PBLD: variants seen among roughly 807,000 people sequenced by gnomAD.
PBLD encodes phenazine biosynthesis like protein domain containing, also known as phenazine biosynthesis-like domain-containing protein.
A neutral mutation model predicts 31.3 loss-of-function variants in PBLD; 26 were observed. The ratio of observed to expected loss-of-function variants is 0.83; its 90% CI spans 0.61 to 1.15. PBLD has a LOEUF of 1.15. Ranked by LOEUF, PBLD falls within the 50% of genes most tolerant of loss-of-function variation. The probability of loss-of-function intolerance (pLI) is 0.00; values close to 1 mark genes in which losing one functional copy is unlikely to be tolerated. For missense variants in PBLD, 307 were observed against 351.7 expected, an observed-to-expected ratio of 0.87 and a Z score of 1.02; for synonymous variants, 114 against 129.0, an observed-to-expected ratio of 0.88 and a Z score of 0.79.
rs533908257 is a variant in PBLD at position 68,312,059 on chromosome 10, A to G, written c.-59-5156T>C. On this transcript the variant is annotated intron_variant, in intron 1 of 9. Coordinates refer to ENST00000358769, the MANE Select transcript of PBLD (RefSeq NM_022129.4). ...ATTGTAAGTCAAAGTATCATAAGTC[A>G]GGGGCCATCTGTATACCACATTTTC... 1.1e-4 allele frequency among the ~76,000 whole-genome samples: 16 copies of G among 152,360 alleles called. No homozygotes were observed. The South Asian group carries it at 3.1e-3, about 30-fold the overall frequency.
intron 6 of PBLD, among the ~76,000 whole-genome samples, chr10:68,290,746 G>T (rs1197994187): frequency 1.3e-5 from 2 of 152,132 alleles, no homozygotes; most frequent in African/African-American, 4.8e-5. Context: ...ATTCTTGGCT[G>T]GGAATCTTAC....
chr10:68,293,193 A>C (rs1192942340), intron 4 of PBLD, among the ~76,000 whole-genome samples: 1 of 152,250 alleles, frequency 6.6e-6, no homozygotes, highest in Non-Finnish European at 1.5e-5. Context: ...TAAAATATCC[A>C]GCAGCAACAA....
At chr10:68,294,160 A>G (rs2044395259) in intron 4 of PBLD, among the ~76,000 whole-genome samples, 1 of 152,116 alleles carries the variant, frequency 6.6e-6, no homozygotes, top group South Asian at 2.1e-4. Context: ...TCTCAACTTT[A>G]TCTCCTGCCA....
intron 2 of PBLD, among the ~76,000 whole-genome samples, chr10:68,297,337 T>G (rs1203345928): frequency 6.6e-6 from 1 of 152,220 alleles, no homozygotes. Flanking sequence ...TTTGCTTTGC[T>G]GGTGAAAGCG....
chr10:68,305,751 G>A (rs572161951), intron 2 of PBLD, among the ~76,000 whole-genome samples: 22 of 152,004 alleles, frequency 1.4e-4, no homozygotes, highest in African/African-American at 4.3e-4. Context: ...GCGGAACTCC[G>A]TCTCAAAAAC....
rs184830326 is a variant in PBLD at position 68,313,982 on chromosome 10, T to G, written c.-59-7079A>C. Among the ~76,000 whole-genome samples the G allele has an allele frequency of 8.7e-4, 133 of 152,234 alleles. 1 individual carries two copies. The East Asian group carries it at 0.022, about 25-fold the overall frequency. On this transcript the variant is annotated intron_variant, in intron 1 of 9. Transcript: ENST00000358769. ...TTTATTTTTATTTTTACTTATTTAT[T>G]TATTTATTTATGGAGACAAAGTCTC... is the stretch of plus-strand genomic sequence containing the variant.
chr10:68,296,739 C>T (rs2044433274), intron 3 of PBLD, 147 bp downstream of exon 3: 3 of 680,892 alleles, frequency 4.4e-6, no homozygotes, highest in Admixed American at 5.4e-5. Context: ...TGTGGTGGCT[C>T]ACACCTATAA....
intron 1 of PBLD, among the ~76,000 whole-genome samples, chr10:68,313,215 G>A (rs565184645): frequency 2.1e-4 from 32 of 152,178 alleles, no homozygotes; most frequent in African/African-American, 6.7e-4. Flanking sequence ...GTGCCGGGCC[G>A]AGTTTCTTAT....
intron 2 of PBLD, among the ~76,000 whole-genome samples, chr10:68,300,536 CCT>C (rs1384695716): frequency 6.6e-6 from 1 of 152,150 alleles, no homozygotes; most frequent in Non-Finnish European, 1.5e-5. Flanking sequence ...TCCGAGGCCC[CCT>C]GTCTTGGGCC....
chr10:68,311,667 G>A (rs766678599), intron 1 of PBLD, among the ~76,000 whole-genome samples: 9 of 148,518 alleles, frequency 6.1e-5, no homozygotes, highest in Non-Finnish European at 1.2e-4. Context: ...CAGGAGGAGC[G>A]CTTGAACCCG....
intron 1 of PBLD, among the ~76,000 whole-genome samples, chr10:68,314,122 G>A (rs1196151155): frequency 1.3e-5 from 2 of 151,862 alleles, no homozygotes; most frequent in Non-Finnish European, 2.9e-5. Flanking sequence ...GACTACAGGC[G>A]TGCACCACTG....
chr10:68,302,701 C>T (rs1016273658), intron 2 of PBLD, among the ~76,000 whole-genome samples: 1 of 151,904 alleles, frequency 6.6e-6, no homozygotes, highest in Non-Finnish European at 1.5e-5. Context: ...ATTAGCTGAG[C>T]GTGGTGGTGC....
chr10:68,305,255 C>G (rs943702171), intron 2 of PBLD, among the ~76,000 whole-genome samples: 1 of 148,608 alleles, frequency 6.7e-6, no homozygotes, highest in South Asian at 2.1e-4. Context: ...AACGACATTC[C>G]GCTCATCAGT....
chr10:68,317,465 G>A (rs1019568453), intron 1 of PBLD, among the ~76,000 whole-genome samples: 1 of 152,082 alleles, frequency 6.6e-6, no homozygotes, highest in Admixed American at 6.6e-5. Context: ...AAACCACAAT[G>A]AGACATCATC....
intron 7 of PBLD, 32 bp from the exon 8 acceptor site, chr10:68,288,693 C>A (rs1247789155): frequency 6.2e-7 from 1 of 1,603,288 alleles, no homozygotes; most frequent in Admixed American, 1.7e-5. Context: ...TTAGGACAAA[C>A]CCATTTCACA....
chr10:68,326,134 T>A (rs1036651943), intron 1 of PBLD, among the ~76,000 whole-genome samples: 1 of 152,184 alleles, frequency 6.6e-6, no homozygotes, highest in African/African-American at 2.4e-5. Context: ...AGTGGCGCAA[T>A]TTCGGCTCAT....
chr10:68,288,360 T>TA, intron 8 of PBLD, 123 bp downstream of exon 8: 3 of 1,033,228 alleles, frequency 2.9e-6, no homozygotes, highest in Non-Finnish European at 4.2e-6. Context: ...TGGGGAAAGA[T>TA]AGAGGAACAA....
intron 1 of PBLD, among the ~76,000 whole-genome samples, chr10:68,312,360 T>G (rs1405425449): frequency 1.3e-5 from 2 of 152,222 alleles, no homozygotes; most frequent in Non-Finnish European, 2.9e-5. Context: ...TCTTGTGTTT[T>G]TTTTTATAAT....
At chr10:68,306,946 G>T in intron 1 of PBLD, 43 bp from the exon 2 acceptor site, 1 of 831,674 alleles carries the variant, frequency 1.2e-6, no homozygotes, top group Non-Finnish European at 2.0e-6. Flanking sequence ...TTTACTTGGT[G>T]TCCAGACGCA....
Sources: gnomAD v4.1 joint callset for allele counts (sites outside exome capture counted in the v4.1 genomes callset) on GRCh38, gnomAD v4.1.1 for gene constraint, MANE v1.5 for transcripts, NCBI Gene and HGNC (gene_info 2026-07-23, HGNC 2026-07-21) for gene names.